MAPKAP1: variants seen among roughly 807,000 people sequenced by gnomAD.
MAPKAP1 encodes target of rapamycin complex 2 subunit MAPKAP1.
MAPKAP1 carries 20 observed loss-of-function variants against 65.7 expected under a neutral mutation model. The ratio of observed to expected loss-of-function variants is 0.30; its 90% CI spans 0.21 to 0.44. MAPKAP1 has a LOEUF of 0.44. MAPKAP1 is among the 20% of genes least tolerant of loss of function. The pLI is 1.00. For synonymous variants in MAPKAP1, 222 were observed against 244.3 expected (o/e 0.91, Z 0.85); for missense variants, 423 against 648.0 (o/e 0.65, Z 3.77).
At chr9:125,503,900 T>TTTTTTTTTTTTTTTTTTTTTTTG (rs1829061526) in intron 8 of MAPKAP1, among the ~76,000 whole-genome samples, 1 of 102,600 alleles carries the variant, frequency 9.7e-6, no homozygotes, top group African/African-American at 3.3e-5. Flanking sequence ...TTTTTTTTTT[T>TTTTTTTTTTTTTTTTTTTTTTTG]TTTTTTTTGT....
At chr9:125,453,737 G>A (rs1248472668) in intron 10 of MAPKAP1, among the ~76,000 whole-genome samples, 1 of 152,014 alleles carries the variant, frequency 6.6e-6, no homozygotes, top group Non-Finnish European at 1.5e-5. Flanking sequence ...GAAAATATTG[G>A]TTCACTGAGT....
chr9:125,565,598 G>C (rs62570215), intron 5 of MAPKAP1: 2 of 345,938 alleles, frequency 5.8e-6, no homozygotes, highest in African/African-American at 4.4e-5. Context: ...GAGGATTGCA[G>C]CTCAGAAGCT....
At chr9:125,628,558 C>T (rs546022043) in intron 4 of MAPKAP1, among the ~76,000 whole-genome samples, 2 of 152,110 alleles carry the variant, frequency 1.3e-5, no homozygotes, top group Admixed American at 6.6e-5. Flanking sequence ...ACACCACAGA[C>T]AAAAATTGAC....
intron 5 of MAPKAP1, among the ~76,000 whole-genome samples, chr9:125,582,950 T>C (rs1831669016): frequency 1.3e-5 from 2 of 152,200 alleles, no homozygotes; most frequent in African/African-American, 2.4e-5. Context: ...CTAGCTGCCC[T>C]GAAGCCTGAG....
At chr9:125,456,535 G>A (rs1010333557) in intron 10 of MAPKAP1, among the ~76,000 whole-genome samples, 1 of 152,130 alleles carries the variant, frequency 6.6e-6, no homozygotes, top group Non-Finnish European at 1.5e-5. Context: ...TGGACCTAGC[G>A]ACTTGCTTCT....
In MAPKAP1 at chr9:125,697,488, CTTA is replaced by C. The variant is rs1269514182; in HGVS notation, c.-70+9480_-70+9482del. Among the ~76,000 whole-genome samples, 3 of 152,072 alleles carry C rather than the reference CTTA, an allele frequency of 2.0e-5. No homozygotes were observed. In the East Asian group the frequency reaches 5.8e-4, roughly 29 times the overall value. ...TATAGAGTGTCATATCCTTTTTTCA[CTTA>C]TTATATGGTTAGCATATTAGTATGT... is the stretch of plus-strand genomic sequence containing the variant. On this transcript the variant is annotated intron_variant, in intron 1 of 11. Transcript: ENST00000265960.
At chr9:125,644,569 T>A (rs1337509423) in intron 4 of MAPKAP1, among the ~76,000 whole-genome samples, 3 of 152,246 alleles carry the variant, frequency 2.0e-5, no homozygotes, top group African/African-American at 7.2e-5. Flanking sequence ...TTGTTCTGCT[T>A]TATTAAAGCT....
chr9:125,548,026 T>C (rs563019378), intron 6 of MAPKAP1, among the ~76,000 whole-genome samples: 14 of 152,356 alleles, frequency 9.2e-5, no homozygotes, highest in Non-Finnish European at 1.6e-4. Flanking sequence ...CTACTATTTA[T>C]TGAACACTTT....
chr9:125,482,868 G>A (rs1854368112), intron 9 of MAPKAP1, among the ~76,000 whole-genome samples: 1 of 152,184 alleles, frequency 6.6e-6, no homozygotes, highest in Non-Finnish European at 1.5e-5. Context: ...CATCTTAGCA[G>A]CTAATGCTCA....
At chr9:125,693,721 GTATATACACA>G (rs1564620362) in intron 1 of MAPKAP1, among the ~76,000 whole-genome samples, 961 of 59,018 alleles carry the variant, frequency 0.016, 64 homozygotes, top group African/African-American at 0.034. Context: ...ATATATACAC[GTATATACACA>G]TATATACACG....
chr9:125,517,865 A>G (rs1332402391), intron 7 of MAPKAP1, among the ~76,000 whole-genome samples: 2 of 152,168 alleles, frequency 1.3e-5, no homozygotes, highest in Non-Finnish European at 2.9e-5. Context: ...TGCTTTTCTC[A>G]GTGCACCAAG....
intron 6 of MAPKAP1, among the ~76,000 whole-genome samples, chr9:125,549,075 C>T (rs894349192): frequency 3.9e-5 from 6 of 152,200 alleles, no homozygotes; most frequent in African/African-American, 1.2e-4. Context: ...TCTTCCATAC[C>T]GGAACCACTG....
intron 1 of MAPKAP1, among the ~76,000 whole-genome samples, chr9:125,692,571 G>T (rs903922285): frequency 6.6e-6 from 1 of 152,176 alleles, no homozygotes; most frequent in African/African-American, 2.4e-5. Flanking sequence ...TTAGTTAATA[G>T]TGACAGTTAT....
At chr9:125,473,262 G>C (rs1276755321) in intron 9 of MAPKAP1, among the ~76,000 whole-genome samples, 1 of 152,014 alleles carries the variant, frequency 6.6e-6, no homozygotes, top group Non-Finnish European at 1.5e-5. Context: ...AAAAGAGCAC[G>C]GGGGCTGGCC....
chr9:125,636,419 C>G (rs1004679769), intron 4 of MAPKAP1, among the ~76,000 whole-genome samples: 1 of 152,184 alleles, frequency 6.6e-6, no homozygotes, highest in African/African-American at 2.4e-5. Flanking sequence ...TATCAAGATA[C>G]AATAGAGACA....
intron 5 of MAPKAP1, 127 bp from the exon 6 acceptor site, chr9:125,559,936 T>A: frequency 1.2e-6 from 1 of 858,672 alleles, no homozygotes; most frequent in Non-Finnish European, 1.7e-6. Flanking sequence ...GGTGATACAG[T>A]AAAAAATCCC....
intron 3 of MAPKAP1, among the ~76,000 whole-genome samples, chr9:125,664,756 C>T (rs1237897870): frequency 1.6e-5 from 2 of 123,468 alleles, no homozygotes; most frequent in Non-Finnish European, 3.6e-5. Context: ...AGAAAAAGAA[C>T]GGAACAAGAG....
At chr9:125,559,520 TG>T (rs1830830902) in intron 6 of MAPKAP1, 112 bp downstream of exon 6, 3 of 898,078 alleles carry the variant, frequency 3.3e-6, no homozygotes, top group South Asian at 3.4e-5. Context: ...TTATTACCAG[TG>T]GACTCTCCAG....
At chr9:125,509,824 C>T (rs79822790) in intron 7 of MAPKAP1, among the ~76,000 whole-genome samples, 4,492 of 152,192 alleles carry the variant, frequency 0.03, 83 homozygotes, top group South Asian at 0.057. Context: ...GCCTGGGAAA[C>T]GTGGATCAGG....
Sources: gnomAD v4.1 joint callset for allele counts (sites outside exome capture counted in the v4.1 genomes callset) on GRCh38, gnomAD v4.1.1 for gene constraint, MANE v1.5 for transcripts, NCBI Gene and HGNC (gene_info 2026-07-23, HGNC 2026-07-21) for gene names.